SOBP: variants seen among roughly 807,000 people sequenced by gnomAD.
The protein encoded by SOBP is sine oculis-binding protein homolog.
Under a neutral mutation model 53.6 loss-of-function variants are expected in SOBP, and 4 were observed. The observed-to-expected ratio is 0.07, with a 90% CI of 0.04 to 0.17. The LOEUF is 0.17. Among genes scored for constraint, SOBP ranks in the 10% least tolerant of loss-of-function variants. SOBP has a pLI of 1.00. For missense variants in SOBP, 1,088 were observed against 1,204.7 expected, an observed-to-expected ratio of 0.90 and a Z score of 1.43; for synonymous variants, 584 against 522.6, an observed-to-expected ratio of 1.12 and a Z score of -1.60.
At chr6:107,580,234 G>A (rs1340380968) in intron 4 of SOBP, among the ~76,000 whole-genome samples, 1 of 152,180 alleles carries the variant, frequency 6.6e-6, no homozygotes, top group African/African-American at 2.4e-5. Context: ...CTGTCCAGGA[G>A]AAAGCCCTCC....
intron 6 of SOBP, among the ~76,000 whole-genome samples, chr6:107,644,721 C>T (rs1771482282): frequency 6.6e-6 from 1 of 152,192 alleles, no homozygotes; most frequent in Admixed American, 6.5e-5. Context: ...TACCAAACAG[C>T]ATTCTCATGA....
intron 4 of SOBP, among the ~76,000 whole-genome samples, chr6:107,554,861 G>C (rs1025499646): frequency 1.2e-4 from 19 of 152,198 alleles, no homozygotes; most frequent in Non-Finnish European, 2.2e-4. Flanking sequence ...GGCTGGGATG[G>C]GGGGTGGGAG....
At chr6:107,654,171 C>T (rs1324464696) in intron 6 of SOBP, among the ~76,000 whole-genome samples, 1 of 152,218 alleles carries the variant, frequency 6.6e-6, no homozygotes, top group Non-Finnish European at 1.5e-5. Flanking sequence ...CTGAAGATAG[C>T]TGGTCATACA....
At chr6:107,575,286 G>A (rs67797788) in intron 4 of SOBP, among the ~76,000 whole-genome samples, 19,099 of 152,186 alleles carry the variant, frequency 0.13, 2,038 homozygotes, top group African/African-American at 0.29. Context: ...TCTGGCACAG[G>A]ACAATCATTA....
chr6:107,499,125 C>T (rs142363724), intron 1 of SOBP, among the ~76,000 whole-genome samples: 1 of 152,246 alleles, frequency 6.6e-6, no homozygotes, highest in East Asian at 1.9e-4. Flanking sequence ...CTTTGCAGCT[C>T]TTTGATTGGT....
intron 3 of SOBP, among the ~76,000 whole-genome samples, chr6:107,531,282 C>T (rs904026655): frequency 1.3e-5 from 2 of 152,140 alleles, no homozygotes; most frequent in African/African-American, 4.8e-5. Context: ...GGTGATTTCC[C>T]GCATAAATTT....
chr6:107,568,038 T>C (rs1784967381), intron 4 of SOBP, among the ~76,000 whole-genome samples: 1 of 152,204 alleles, frequency 6.6e-6, no homozygotes, highest in African/African-American at 2.4e-5. Context: ...TCCAAGTATG[T>C]AATATGTCTT....
intron 4 of SOBP, among the ~76,000 whole-genome samples, chr6:107,537,995 C>G (rs996737741): frequency 1.3e-5 from 2 of 152,158 alleles, no homozygotes; most frequent in Middle Eastern, 3.4e-3. Flanking sequence ...TTAAGATTTC[C>G]TAACAATCAT....
chr6:107,656,927 C>G (rs1772092735), intron 6 of SOBP, among the ~76,000 whole-genome samples: 1 of 152,250 alleles, frequency 6.6e-6, no homozygotes, highest in Non-Finnish European at 1.5e-5. Flanking sequence ...CTGTCACCAC[C>G]TCACCTTAGC....
intron 1 of SOBP, among the ~76,000 whole-genome samples, chr6:107,500,660 T>C (rs1199548583): frequency 6.6e-6 from 1 of 151,710 alleles, no homozygotes; most frequent in African/African-American, 2.4e-5. Flanking sequence ...TAGCTGGGAC[T>C]ACAGGCGCCC....
chr6:107,632,388 TAAGG>T (rs923318612), intron 5 of SOBP, among the ~76,000 whole-genome samples: 8 of 151,706 alleles, frequency 5.3e-5, no homozygotes, highest in African/African-American at 9.7e-5. Context: ...CAAAAAAAAG[TAAGG>T]CACTGAAAGA....
intron 1 of SOBP, among the ~76,000 whole-genome samples, chr6:107,494,812 G>T (rs1408002441): frequency 6.6e-6 from 1 of 152,196 alleles, no homozygotes; most frequent in Non-Finnish European, 1.5e-5. Flanking sequence ...ACATCTGTTA[G>T]AGTTTAGTAG....
chr6:107,532,909 C>T (rs1008585520), intron 3 of SOBP, among the ~76,000 whole-genome samples: 1 of 152,198 alleles, frequency 6.6e-6, no homozygotes, highest in South Asian at 2.1e-4. Context: ...TCCTTTTTGA[C>T]TAAACGTGTT....
chr6:107,596,509 C>T (rs1378200596), intron 5 of SOBP, among the ~76,000 whole-genome samples: 1 of 152,196 alleles, frequency 6.6e-6, no homozygotes, highest in Non-Finnish European at 1.5e-5. Context: ...CTTGGCTGAG[C>T]ATTTTAATGC....
rs866552208 is a variant in SOBP at position 107,521,120 on chromosome 6, C to T, written c.422-12339C>T. The stretch of plus-strand genomic sequence containing the variant: ...ATATTACCAAATGTCCCCTGGGGGC[C>T]AAGTCACACCCTGATAAGAACCACT... On this transcript the variant is annotated intron_variant, in intron 3 of 6. Coordinates refer to ENST00000317357, the MANE Select transcript of SOBP (RefSeq NM_018013.4). 4.2e-4 allele frequency among the ~76,000 whole-genome samples: 63 copies of T among 148,358 alleles called. 1 individual carries two copies. Among genetic ancestry groups the T allele is most frequent in the Middle Eastern group, 3.4e-3 (1 of 294 alleles).
At chr6:107,535,097 C>T (rs1324981135) in intron 4 of SOBP, among the ~76,000 whole-genome samples, 2 of 152,100 alleles carry the variant, frequency 1.3e-5, no homozygotes, top group Non-Finnish European at 1.5e-5. Context: ...GGTTATGGGT[C>T]TGAATCTTGA....
At chr6:107,551,552 G>C (rs1784460073) in intron 4 of SOBP, among the ~76,000 whole-genome samples, 1 of 152,058 alleles carries the variant, frequency 6.6e-6, no homozygotes, top group Non-Finnish European at 1.5e-5. Flanking sequence ...CTAAAAACAA[G>C]GGCAAAATGA....
chr6:107,548,315 G>A (rs1475317314), intron 4 of SOBP, among the ~76,000 whole-genome samples: 8 of 150,868 alleles, frequency 5.3e-5, no homozygotes, highest in Non-Finnish European at 8.8e-5. Context: ...GTGCAGTGGC[G>A]TGATCTTGGC....
intron 1 of SOBP, 123 bp downstream of exon 1, chr6:107,490,835 C>T (rs758696302): frequency 1.6e-5 from 12 of 728,052 alleles, no homozygotes; most frequent in Non-Finnish European, 2.9e-5. Flanking sequence ...ATGCCCAGAA[C>T]GGCTCCGCTC....
Sources: gnomAD v4.1 joint callset for allele counts (sites outside exome capture counted in the v4.1 genomes callset) on GRCh38, gnomAD v4.1.1 for gene constraint, MANE v1.5 for transcripts, NCBI Gene and HGNC (gene_info 2026-07-23, HGNC 2026-07-21) for gene names.